Variants in PCMT1 observed in about 807,000 individuals in gnomAD.
PCMT1 encodes protein-L-isoaspartate (D-aspartate) O-methyltransferase.
In PCMT1, 9 loss-of-function variants were observed where a neutral mutation model predicts 29.2. The ratio of observed to expected loss-of-function variants is 0.31; its 90% confidence interval spans 0.19 to 0.54. The LOEUF (loss-of-function observed/expected upper bound fraction) is 0.54, where lower values mean the gene tolerates loss of function less well. PCMT1 is among the 20% of genes least tolerant of loss of function. PCMT1 has a pLI of 0.95. For missense variants in PCMT1, 184 were observed against 282.2 expected, an observed-to-expected ratio of 0.65 and a Z score of 2.49; for synonymous variants, 98 against 97.5, an observed-to-expected ratio of 1.00 and a Z score of -0.03.
chr6:149,780,966 G>A (rs1242662629), intron 3 of PCMT1, among the ~76,000 whole-genome samples: 1 of 152,168 alleles, frequency 6.6e-6, no homozygotes, highest in Non-Finnish European at 1.5e-5. Context: ...AGTCCCACTA[G>A]CAATGTATGA....
At chr6:149,785,948 C>T (rs1266305521) in intron 3 of PCMT1, among the ~76,000 whole-genome samples, 12 of 151,364 alleles carry the variant, frequency 7.9e-5, no homozygotes, top group East Asian at 2.0e-4. Flanking sequence ...GGGTGGTGGC[C>T]GGGCAGAGGG....
chr6:149,798,319 T>G (rs866534810), intron 6 of PCMT1: 1 of 152,292 alleles, frequency 6.6e-6, no homozygotes, highest in Non-Finnish European at 1.5e-5. Context: ...AAAAAAAATA[T>G]TGATAACCTA....
chr6:149,776,954 TCCCATAATATA>T (rs1787595578), intron 3 of PCMT1, among the ~76,000 whole-genome samples: 1 of 152,192 alleles, frequency 6.6e-6, no homozygotes, highest in Admixed American at 6.6e-5. Context: ...AAGATATTTA[TCCCATAATATA>T]TACATGAGTG....
chr6:149,781,518 C>T (rs1273446487), intron 3 of PCMT1, among the ~76,000 whole-genome samples: 1 of 152,088 alleles, frequency 6.6e-6, no homozygotes, highest in East Asian at 1.9e-4. Flanking sequence ...AGCCACGGCG[C>T]CCGGCCAAAA....
chr6:149,759,935 G>A (rs1477316608), intron 1 of PCMT1, among the ~76,000 whole-genome samples: 3 of 152,128 alleles, frequency 2.0e-5, no homozygotes, highest in Non-Finnish European at 4.4e-5. Context: ...GATTAACTCA[G>A]CAGTTCTTAC....
chr6:149,785,342 C>T (rs1583036330), intron 3 of PCMT1, among the ~76,000 whole-genome samples: 1 of 89,802 alleles, frequency 1.1e-5, no homozygotes, highest in Non-Finnish European at 2.0e-5. Flanking sequence ...TTCTCTTTGG[C>T]ATTGGCTGTT....
chr6:149,758,192 T>TTTTC (rs1554251068), intron 1 of PCMT1, among the ~76,000 whole-genome samples: 43 of 101,688 alleles, frequency 4.2e-4, no homozygotes, highest in African/African-American at 1.2e-3. Context: ...CCAATTTTTT[T>TTTTC]TTTCTTTCTT....
At chr6:149,778,579 C>G (rs140427100) in intron 3 of PCMT1, among the ~76,000 whole-genome samples, 31 of 151,842 alleles carry the variant, frequency 2.0e-4, no homozygotes, top group African/African-American at 7.2e-4. Context: ...GCTTTGTTGC[C>G]CAGGCTGGAG....
At chr6:149,767,150 T>C (rs1465394642) in intron 1 of PCMT1, among the ~76,000 whole-genome samples, 1 of 151,824 alleles carries the variant, frequency 6.6e-6, no homozygotes, top group Non-Finnish European at 1.5e-5. Context: ...CAGGTTGCAG[T>C]GAGCCGAGAT....
chr6:149,762,962 C>CTATGATATATATGATATATA (rs1786882273), intron 1 of PCMT1, among the ~76,000 whole-genome samples: 1 of 53,736 alleles, frequency 1.9e-5, no homozygotes, highest in Non-Finnish European at 2.6e-5. Flanking sequence ...ATATGTATAT[C>CTATGATATATATGATATATA]TATGATATAT....
intron 6 of PCMT1, among the ~76,000 whole-genome samples, chr6:149,800,878 A>G (rs527591411): frequency 4.6e-5 from 7 of 152,338 alleles, no homozygotes; most frequent in East Asian, 3.9e-4. Context: ...TTAGAATTCT[A>G]TGCTCTGCCT....
At chr6:149,790,187 C>T (rs1788299092) in intron 4 of PCMT1, 129 bp downstream of exon 4, 1 of 612,158 alleles carries the variant, frequency 1.6e-6, no homozygotes. Flanking sequence ...TTGGAATGAG[C>T]ATCACTTAGG....
At position 149,802,275 on chromosome 6, in the gene PCMT1, C is replaced by G. The variant is rs1775857599; in HGVS notation, c.580C>G (p.Gln194Glu). 2.5e-6 allele frequency: 4 copies of G among 1,612,884 alleles called. No individual in the cohort carries two copies. Among genetic ancestry groups the G allele is most frequent in the Admixed American group, 1.7e-5 (1 of 59,950 alleles). ...GPAGGNQMLE[Q>E]YDKLQDGSIK... is the part of the protein sequence containing the mutation. ...TGCAGGCGGAAACCAAATGTTGGAG[C>G]AGTATGACAAGCTACAAGATGGCAG... Residue 194 changes from glutamine to glutamate, a missense_variant, in exon 7 of 8, where the codon CAG becomes GAG. Transcript: ENST00000464889.
At chr6:149,761,692 T>C (rs1157853528) in intron 1 of PCMT1, among the ~76,000 whole-genome samples, 1 of 152,204 alleles carries the variant, frequency 6.6e-6, no homozygotes, top group African/African-American at 2.4e-5. Flanking sequence ...TTCCATAATT[T>C]ATAAACTGAC....
intron 1 of PCMT1, among the ~76,000 whole-genome samples, chr6:149,753,376 A>G (rs1243798058): frequency 1.3e-5 from 2 of 151,572 alleles, no homozygotes; most frequent in African/African-American, 4.9e-5. Flanking sequence ...CTTATTGCCC[A>G]GGCTGGAGTG....
intron 1 of PCMT1, among the ~76,000 whole-genome samples, chr6:149,769,643 A>G (rs1207854597): frequency 6.6e-6 from 1 of 151,728 alleles, no homozygotes; most frequent in Admixed American, 6.6e-5. Flanking sequence ...TTCTCACCCA[A>G]GCTGGAGTGC....
intron 3 of PCMT1, among the ~76,000 whole-genome samples, chr6:149,787,610 G>A (rs1046266272): frequency 1.2e-4 from 19 of 152,126 alleles, no homozygotes; most frequent in African/African-American, 2.2e-4. Context: ...TCATCTGCCC[G>A]CCTCGGCCTC....
At chr6:149,804,407 T>C (rs1239421598) in intron 7 of PCMT1, among the ~76,000 whole-genome samples, 1 of 152,202 alleles carries the variant, frequency 6.6e-6, no homozygotes, top group African/African-American at 2.4e-5. Context: ...GGGAATTTTG[T>C]TTTTATGACT....
intron 6 of PCMT1, among the ~76,000 whole-genome samples, chr6:149,801,115 C>G (rs1386845027): frequency 6.6e-6 from 1 of 152,058 alleles, no homozygotes; most frequent in Non-Finnish European, 1.5e-5. Context: ...TATTTGGGAC[C>G]AGAAGTGTTT....
Sources: gnomAD v4.1 joint callset for allele counts (sites outside exome capture counted in the v4.1 genomes callset) on GRCh38, gnomAD v4.1.1 for gene constraint, MANE v1.5 for transcripts, NCBI Gene and HGNC (gene_info 2026-07-23, HGNC 2026-07-21) for gene names.